The following SPMAP2L variants were observed in gnomAD, a reference collection of about 807,000 sequenced individuals.
The protein encoded by SPMAP2L is sperm microtubule associated protein 2-like.
At chr4:56,554,742 A>G in the SPMAP2L span, among the ~76,000 whole-genome samples, 6 of 150,210 alleles carry the variant, frequency 4.0e-5, no homozygotes, top group Non-Finnish European at 7.4e-5. Context: ...TGCTAAACCC[A>G]AAGTCACCTG....
At chr4:56,604,185 A>G in the SPMAP2L span, among the ~76,000 whole-genome samples, 560 of 152,346 alleles carry the variant, frequency 3.7e-3, no homozygotes, top group Non-Finnish European at 6.3e-3. Flanking sequence ...GGAATCAGAT[A>G]GAACCTGAAG....
At chr4:56,530,672 C>A in the SPMAP2L span, 1 of 1,532,720 alleles carries the variant, frequency 6.5e-7, no homozygotes, top group Non-Finnish European at 8.7e-7. Context: ...AAGCTTCTGG[C>A]GCGAATGGAG....
the SPMAP2L span, among the ~76,000 whole-genome samples, chr4:56,587,766 C>T: frequency 6.6e-6 from 1 of 152,132 alleles, no homozygotes; most frequent in African/African-American, 2.4e-5. Flanking sequence ...CTGAATTGTG[C>T]TGCTATAAAC....
the SPMAP2L span, chr4:56,530,935 G>A: frequency 6.5e-7 from 1 of 1,535,084 alleles, no homozygotes; most frequent in East Asian, 2.4e-5. Flanking sequence ...TGAGCCCCAC[G>A]CTCCCTATGC....
the SPMAP2L span, among the ~76,000 whole-genome samples, chr4:56,612,045 T>C: frequency 1.1e-4 from 17 of 152,200 alleles, no homozygotes; most frequent in African/African-American, 4.1e-4. Context: ...GTGGTCTTTG[T>C]TTATTTTCAC....
the SPMAP2L span, among the ~76,000 whole-genome samples, chr4:56,572,071 C>T: frequency 6.6e-6 from 1 of 151,876 alleles, no homozygotes; most frequent in African/African-American, 2.4e-5. Context: ...AGAGTACACT[C>T]TAAAATAACA....
the SPMAP2L span, among the ~76,000 whole-genome samples, chr4:56,573,721 A>G: frequency 6.6e-5 from 10 of 151,998 alleles, no homozygotes; most frequent in Non-Finnish European, 1.3e-4. Context: ...ATGTGTGGGT[A>G]TGGGTGTGGG....
the SPMAP2L span, among the ~76,000 whole-genome samples, chr4:56,595,918 T>C: frequency 6.6e-6 from 1 of 152,214 alleles, no homozygotes; most frequent in Non-Finnish European, 1.5e-5. Context: ...ACAGATTTGC[T>C]TTGGTATTCT....
At chr4:56,536,325 C>T in the SPMAP2L span, among the ~76,000 whole-genome samples, 4 of 152,212 alleles carry the variant, frequency 2.6e-5, no homozygotes, top group Admixed American at 1.3e-4. Flanking sequence ...CATGGGCATC[C>T]TTGCTCTGAG....
At chr4:56,547,651 A>T in the SPMAP2L span, among the ~76,000 whole-genome samples, 2 of 152,220 alleles carry the variant, frequency 1.3e-5, no homozygotes, top group Non-Finnish European at 2.9e-5. Flanking sequence ...GGAGTAAGCA[A>T]CAAAACTGAG....
At chr4:56,625,151 C>T in the SPMAP2L span, among the ~76,000 whole-genome samples, 1 of 152,208 alleles carries the variant, frequency 6.6e-6, no homozygotes, top group Non-Finnish European at 1.5e-5. Flanking sequence ...TAAAATTTGA[C>T]TGCCCTGCTG....
the SPMAP2L span, among the ~76,000 whole-genome samples, chr4:56,549,898 A>G: frequency 2.6e-5 from 4 of 152,224 alleles, no homozygotes; most frequent in African/African-American, 9.6e-5. Context: ...AAATCTGAAA[A>G]TATCAAAAAT....
At chr4:56,602,665 A>G in the SPMAP2L span, among the ~76,000 whole-genome samples, 1 of 152,212 alleles carries the variant, frequency 6.6e-6, no homozygotes, top group Admixed American at 6.5e-5. Context: ...ACTGCACTCC[A>G]GCCTGGGTGA....
At chr4:56,588,324 T>A in the SPMAP2L span, among the ~76,000 whole-genome samples, 1 of 152,250 alleles carries the variant, frequency 6.6e-6, no homozygotes, top group Non-Finnish European at 1.5e-5. Context: ...TTTAATTAAG[T>A]CTCAGCTATT....
At chr4:56,559,389 C>T in the SPMAP2L span, 4 of 1,459,510 alleles carry the variant, frequency 2.7e-6, no homozygotes, top group African/African-American at 2.9e-5. Context: ...TGCTTCTTAA[C>T]AGAAAACTGT....
chr4:56,570,474 C>G, the SPMAP2L span, among the ~76,000 whole-genome samples: 9 of 152,100 alleles, frequency 5.9e-5, no homozygotes, highest in Non-Finnish European at 2.9e-5. Context: ...TACAGAATAC[C>G]TTAGGCAATT....
the SPMAP2L span, chr4:56,593,912 C>T: frequency 6.2e-7 from 1 of 1,608,822 alleles, no homozygotes; most frequent in African/African-American, 1.3e-5. Flanking sequence ...TTTGATTTTG[C>T]CAGAAGGTCT....
chr4:56,555,869 A>G, the SPMAP2L span, among the ~76,000 whole-genome samples: 5 of 152,180 alleles, frequency 3.3e-5, no homozygotes, highest in African/African-American at 7.2e-5. Context: ...CTGAAAATAT[A>G]GTATGCATTA....
the SPMAP2L span, among the ~76,000 whole-genome samples, chr4:56,586,569 T>C: frequency 6.6e-6 from 1 of 152,174 alleles, no homozygotes; most frequent in African/African-American, 2.4e-5. Flanking sequence ...AACACCTGTG[T>C]GTGGTGCCCA....
Sources: allele counts gnomAD v4.1 joint callset (sites outside exome capture counted in the v4.1 genomes callset), GRCh38; gene constraint gnomAD v4.1.1; transcripts MANE v1.5; gene names NCBI Gene and HGNC (gene_info 2026-07-23, HGNC 2026-07-21).